Variants in NKAIN3 observed in about 807,000 individuals in gnomAD.
The protein encoded by NKAIN3 is sodium/potassium transporting ATPase interacting 3, also known as sodium/potassium-transporting ATPase subunit beta-1-interacting protein 3.
Under a neutral mutation model 30.2 loss-of-function variants are expected in NKAIN3, and 25 were observed. The ratio of observed to expected loss-of-function variants is 0.83; its 90% CI spans 0.60 to 1.16. The LOEUF (loss-of-function observed/expected upper bound fraction) is 1.16, where lower values mean the gene tolerates loss of function less well. Among genes scored for constraint, NKAIN3 ranks in the 50% most tolerant of loss-of-function variants. The pLI is 0.00. For synonymous variants in NKAIN3, 91 were observed against 89.6 expected (o/e 1.02, Z -0.09); for missense variants, 225 against 254.1 (o/e 0.89, Z 0.78).
intron 4 of NKAIN3, among the ~76,000 whole-genome samples, chr8:62,907,518 C>A (rs1055773139): frequency 1.3e-5 from 2 of 151,958 alleles, no homozygotes; most frequent in African/African-American, 4.8e-5. Context: ...CATGGCAGCG[C>A]CCCCCATAAC....
chr8:62,727,857 C>A (rs1815310689), intron 3 of NKAIN3, among the ~76,000 whole-genome samples: 1 of 151,972 alleles, frequency 6.6e-6, no homozygotes, highest in Non-Finnish European at 1.5e-5. Context: ...TTGTTTTTTA[C>A]TTAAAAAATC....
At chr8:62,349,856 C>A (rs1321678221) in intron 1 of NKAIN3, among the ~76,000 whole-genome samples, 2 of 152,180 alleles carry the variant, frequency 1.3e-5, no homozygotes, top group African/African-American at 2.4e-5. Context: ...TCTCTTCCTC[C>A]TGCTCCTCCC....
intron 1 of NKAIN3, among the ~76,000 whole-genome samples, chr8:62,354,722 C>T (rs1209299824): frequency 2.6e-5 from 4 of 152,162 alleles, no homozygotes; most frequent in South Asian, 2.1e-4. Context: ...GGATTACAGA[C>T]GTGAGCCACC....
At chr8:62,796,174 A>G (rs908164476) in intron 4 of NKAIN3, among the ~76,000 whole-genome samples, 1 of 151,946 alleles carries the variant, frequency 6.6e-6, no homozygotes, top group African/African-American at 2.4e-5. Flanking sequence ...ACTTGAGGCC[A>G]AGAGTTCGAA....
chr8:62,293,810 G>A (rs560119322), intron 1 of NKAIN3, among the ~76,000 whole-genome samples: 1 of 152,060 alleles, frequency 6.6e-6, no homozygotes, highest in Non-Finnish European at 1.5e-5. Context: ...GCTGCCTTTT[G>A]TTCAGCTATG....
At chr8:62,385,645 T>C (rs1386975543) in intron 1 of NKAIN3, among the ~76,000 whole-genome samples, 1 of 152,218 alleles carries the variant, frequency 6.6e-6, no homozygotes, top group Non-Finnish European at 1.5e-5. Context: ...GGGATAGTTC[T>C]ATGATGGGCA....
intron 1 of NKAIN3, among the ~76,000 whole-genome samples, chr8:62,267,899 T>C (rs1036350307): frequency 2.0e-5 from 3 of 152,246 alleles, no homozygotes; most frequent in Non-Finnish European, 4.4e-5. Context: ...TAATGTATCA[T>C]GACATCCAGT....
intron 4 of NKAIN3, among the ~76,000 whole-genome samples, chr8:62,795,542 T>C (rs544136650): frequency 6.6e-6 from 1 of 152,166 alleles, no homozygotes; most frequent in African/African-American, 2.4e-5. Flanking sequence ...TTACTCGCTA[T>C]AGAACGTTCA....
intron 4 of NKAIN3, 142 bp from the exon 5 acceptor site, chr8:62,918,311 C>T: frequency 1.5e-6 from 1 of 677,802 alleles, no homozygotes; most frequent in Non-Finnish European, 2.6e-6. Flanking sequence ...TTTAAAATCA[C>T]AGCTATCATT....
intron 1 of NKAIN3, among the ~76,000 whole-genome samples, chr8:62,521,964 G>C (rs1808173534): frequency 6.6e-6 from 1 of 152,062 alleles, no homozygotes; most frequent in African/African-American, 2.4e-5. Context: ...TGTTAGTTGA[G>C]ATTTGCCATG....
At chr8:62,295,691 T>A (rs533281142) in intron 1 of NKAIN3, among the ~76,000 whole-genome samples, 2 of 152,320 alleles carry the variant, frequency 1.3e-5, no homozygotes, top group African/African-American at 4.8e-5. Context: ...GTTTGTTGGA[T>A]TCTATTAGCT....
intron 1 of NKAIN3, among the ~76,000 whole-genome samples, chr8:62,394,920 C>A (rs540558467): frequency 6.9e-6 from 1 of 145,360 alleles, no homozygotes; most frequent in African/African-American, 2.6e-5. Flanking sequence ...TGGACAGAGG[C>A]GCTCATCACT....
intron 3 of NKAIN3, among the ~76,000 whole-genome samples, chr8:62,605,601 A>G (rs888974557): frequency 3.3e-5 from 5 of 152,042 alleles, no homozygotes; most frequent in East Asian, 1.9e-4. Flanking sequence ...TATTTGGAAG[A>G]AAGCAATAAA....
At chr8:62,856,270 A>G in intron 4 of NKAIN3, 1 of 918,918 alleles carries the variant, frequency 1.1e-6, no homozygotes, top group South Asian at 1.3e-5. Context: ...AAGGCTTGAG[A>G]GCCCTCTGGA....
intron 4 of NKAIN3, among the ~76,000 whole-genome samples, chr8:62,813,185 C>T (rs919960239): frequency 2.0e-4 from 30 of 151,828 alleles, no homozygotes; most frequent in African/African-American, 7.0e-4. Context: ...TTTCTGGGTT[C>T]CCTATTCCTT....
chr8:62,439,151 G>A (rs1337232446), intron 1 of NKAIN3, among the ~76,000 whole-genome samples: 1 of 152,180 alleles, frequency 6.6e-6, no homozygotes, highest in Non-Finnish European at 1.5e-5. Flanking sequence ...GATATGATCT[G>A]ATGTGAAAAG....
chr8:62,836,728 C>G (rs1327766656), intron 4 of NKAIN3, among the ~76,000 whole-genome samples: 1 of 152,062 alleles, frequency 6.6e-6, no homozygotes, highest in African/African-American at 2.4e-5. Context: ...TCCTGTTATG[C>G]TTTGGCTCCA....
intron 4 of NKAIN3, among the ~76,000 whole-genome samples, chr8:62,794,635 T>C (rs1817803341): frequency 6.6e-6 from 1 of 152,180 alleles, no homozygotes; most frequent in African/African-American, 2.4e-5. Flanking sequence ...TCTAGCCTCA[T>C]GTTCTTTCCT....
intron 1 of NKAIN3, among the ~76,000 whole-genome samples, chr8:62,311,272 G>A (rs1379773904): frequency 6.7e-6 from 1 of 150,316 alleles, no homozygotes; most frequent in Non-Finnish European, 1.5e-5. Flanking sequence ...CAGCAGAGAC[G>A]GGTACTGGGT....
Sources: allele counts gnomAD v4.1 joint callset (sites outside exome capture counted in the v4.1 genomes callset), GRCh38; gene constraint gnomAD v4.1.1; transcripts MANE v1.5; gene names NCBI Gene and HGNC (gene_info 2026-07-23, HGNC 2026-07-21).